The following TMEM132D variants were observed in gnomAD, a reference collection of about 807,000 sequenced individuals.
The protein encoded by TMEM132D is mature OL transmembrane protein.
Under a neutral mutation model 62.3 loss-of-function variants are expected in TMEM132D, and 21 were observed. That is an observed-to-expected ratio of 0.34 (90% CI 0.24 to 0.49). TMEM132D has a LOEUF of 0.49. Among genes scored for constraint, TMEM132D ranks in the 20% least tolerant of loss-of-function variants. TMEM132D has a pLI of 0.99. For synonymous variants in TMEM132D, 621 were observed against 575.6 expected (o/e 1.08, Z -1.13); for missense variants, 1,346 against 1,402.8 (o/e 0.96, Z 0.65).
At chr12:129,715,470 G>A (rs1868537326) in intron 1 of TMEM132D, among the ~76,000 whole-genome samples, 1 of 152,172 alleles carries the variant, frequency 6.6e-6, no homozygotes, top group Non-Finnish European at 1.5e-5. Context: ...ACCTTTCTAA[G>A]TTTTCCAGTT....
chr12:129,854,835 C>A (rs1873666378), intron 1 of TMEM132D: 1 of 152,272 alleles, frequency 6.6e-6, no homozygotes, highest in Non-Finnish European at 1.5e-5. Flanking sequence ...TGAGCCGAGC[C>A]ATCTGGCTGG....
chr12:129,892,080 A>G (rs1282943324), intron 1 of TMEM132D, among the ~76,000 whole-genome samples: 2 of 152,250 alleles, frequency 1.3e-5, no homozygotes, highest in East Asian at 3.8e-4. Flanking sequence ...AGCCAAGGAA[A>G]AAACTTATTC....
chr12:129,832,230 A>G (rs1872866057), intron 1 of TMEM132D, among the ~76,000 whole-genome samples: 1 of 151,370 alleles, frequency 6.6e-6, no homozygotes, highest in African/African-American at 2.4e-5. Context: ...AACAGGAGGA[A>G]GAGATATAGA....
At chr12:129,184,321 C>T (rs1006189214) in intron 5 of TMEM132D, among the ~76,000 whole-genome samples, 6 of 152,184 alleles carry the variant, frequency 3.9e-5, no homozygotes, top group Non-Finnish European at 7.3e-5. Context: ...CGGTCACCTT[C>T]CAAGAGGGCC....
intron 4 of TMEM132D, among the ~76,000 whole-genome samples, chr12:129,315,728 C>T (rs965015049): frequency 2.0e-5 from 3 of 152,110 alleles, no homozygotes; most frequent in Admixed American, 6.5e-5. Flanking sequence ...GCTACCAATT[C>T]GTTTAATGTC....
At chr12:129,549,756 CT>C (rs1876840419) in intron 2 of TMEM132D, among the ~76,000 whole-genome samples, 2 of 152,310 alleles carry the variant, frequency 1.3e-5, no homozygotes, top group South Asian at 2.1e-4. Flanking sequence ...TGTTTGTCAC[CT>C]TTGGTGGAAG....
intron 5 of TMEM132D, among the ~76,000 whole-genome samples, chr12:129,143,238 G>C (rs1190259933): frequency 6.6e-6 from 1 of 152,138 alleles, no homozygotes; most frequent in Non-Finnish European, 1.5e-5. Flanking sequence ...TAACTTGCTA[G>C]AGTGGCTCAC....
intron 3 of TMEM132D, among the ~76,000 whole-genome samples, chr12:129,487,535 T>A (rs1035974597): frequency 6.6e-6 from 1 of 152,088 alleles, no homozygotes; most frequent in African/African-American, 2.4e-5. Flanking sequence ...CTACAGAACC[T>A]GGTGAGGCCA....
At chr12:129,394,269 T>A (rs1871362055) in intron 3 of TMEM132D, among the ~76,000 whole-genome samples, 2 of 152,204 alleles carry the variant, frequency 1.3e-5, no homozygotes, top group Non-Finnish European at 1.5e-5. Context: ...TATCCTCTGC[T>A]GTCCACTGTT....
chr12:129,784,710 C>T (rs974355743), intron 1 of TMEM132D, among the ~76,000 whole-genome samples: 2 of 152,122 alleles, frequency 1.3e-5, no homozygotes, highest in African/African-American at 4.8e-5. Flanking sequence ...AGGAAGCATC[C>T]CCTGGGTGAA....
chr12:129,867,458 G>C lies in TMEM132D; in HGVS notation c.79+35803C>G, dbSNP rs772555607. Among the ~76,000 whole-genome samples, 2 of 152,192 alleles carry C rather than the reference G, an allele frequency of 1.3e-5. No individual in the cohort carries two copies. The highest frequency in any genetic ancestry group is 2.9e-5 in the Non-Finnish European group (2 of 68,036). ...GCTCAGCAACACTGGTGAGAGAATA[G>C]GGAGATGCTGATGAAAAAGGGAAAA... On this transcript the variant is annotated intron_variant, in intron 1 of 8. Coordinates refer to ENST00000422113, the MANE Select transcript of TMEM132D (RefSeq NM_133448.3). This position sits in a 1 kb window ranked among gnomAD's most constrained non-coding sequence, Gnocchi z 4.5.
chr12:129,311,817 T>C (rs920192633), intron 4 of TMEM132D, among the ~76,000 whole-genome samples: 12 of 152,144 alleles, frequency 7.9e-5, no homozygotes, highest in Non-Finnish European at 1.3e-4. Flanking sequence ...GGAACAAATG[T>C]GGCTTGTTCC....
At chr12:129,136,510 T>C (rs181816676) in intron 5 of TMEM132D, among the ~76,000 whole-genome samples, 12 of 152,294 alleles carry the variant, frequency 7.9e-5, no homozygotes, top group Admixed American at 7.8e-4. Context: ...ACCACAGAGG[T>C]GATTTGCCTT....
intron 2 of TMEM132D, among the ~76,000 whole-genome samples, chr12:129,659,871 T>A (rs770748110): frequency 6.6e-6 from 1 of 152,214 alleles, no homozygotes; most frequent in Non-Finnish European, 1.5e-5. Flanking sequence ...ATTGTTCCTA[T>A]CCCTAGGTCC....
intron 5 of TMEM132D, among the ~76,000 whole-genome samples, chr12:129,114,549 T>G (rs1288201155): frequency 6.6e-6 from 1 of 152,146 alleles, no homozygotes; most frequent in Non-Finnish European, 1.5e-5. Context: ...TACAGCTAAG[T>G]GTACAAATCA....
intron 2 of TMEM132D, among the ~76,000 whole-genome samples, chr12:129,592,185 T>C (rs962071698): frequency 4.6e-5 from 7 of 151,736 alleles, no homozygotes; most frequent in African/African-American, 1.7e-4. Flanking sequence ...AGAATATAAT[T>C]GTAAGAAACT....
chr12:129,336,762 C>CGAGTGTG (rs1334598834), intron 4 of TMEM132D, among the ~76,000 whole-genome samples: 1 of 152,076 alleles, frequency 6.6e-6, no homozygotes, highest in Non-Finnish European at 1.5e-5. Flanking sequence ...GGAGAAACGC[C>CGAGTGTG]GAGTGTGGAG....
At chr12:129,622,538 A>C (rs1879101764) in intron 2 of TMEM132D, among the ~76,000 whole-genome samples, 1 of 152,208 alleles carries the variant, frequency 6.6e-6, no homozygotes, top group African/African-American at 2.4e-5. Context: ...CATATAGAAA[A>C]GTCCAGGTCA....
intron 8 of TMEM132D, among the ~76,000 whole-genome samples, chr12:129,077,757 A>C (rs1415064375): frequency 6.6e-6 from 1 of 152,144 alleles, no homozygotes; most frequent in Non-Finnish European, 1.5e-5. Flanking sequence ...ACAACACACG[A>C]TACATTCACA....
Sources: gnomAD v4.1 joint callset for allele counts (sites outside exome capture counted in the v4.1 genomes callset) on GRCh38, gnomAD v4.1.1 for gene constraint, Gnocchi (gnomAD v3.1) non-coding constraint, MANE v1.5 for transcripts, NCBI Gene and HGNC (gene_info 2026-07-23, HGNC 2026-07-21) for gene names.